Variants in PUM2 observed in about 807,000 individuals in gnomAD.
The protein encoded by PUM2 is pumilio homolog 2.
PUM2 carries 57 observed loss-of-function variants against 124.5 expected under a neutral mutation model. That is an observed-to-expected ratio of 0.46 (90% CI 0.37 to 0.57). The LOEUF (loss-of-function observed/expected upper bound fraction) is 0.57, where lower values mean the gene tolerates loss of function less well. Ranked by LOEUF, PUM2 falls within the 20% of genes least tolerant of loss-of-function variation. The pLI is 0.00. For missense variants in PUM2, 1,065 were observed against 1,290.6 expected (o/e 0.83, Z 2.68); for synonymous variants, 460 against 446.1 (o/e 1.03, Z -0.39).
intron 13 of PUM2, among the ~76,000 whole-genome samples, chr2:20,277,884 G>A (rs1483760041): frequency 6.6e-6 from 1 of 152,060 alleles, no homozygotes; most frequent in Non-Finnish European, 1.5e-5. Flanking sequence ...GATATCCAAA[G>A]CCCTTCAAAA....
chr2:20,288,041 A>G (rs995899220), intron 10 of PUM2, among the ~76,000 whole-genome samples: 1 of 152,254 alleles, frequency 6.6e-6, no homozygotes, highest in Non-Finnish European at 1.5e-5. Context: ...TGAAAGGATT[A>G]ATGCAAATAT....
chr2:20,348,531 T>C (rs1022246837), intron 1 of PUM2, among the ~76,000 whole-genome samples: 5 of 152,198 alleles, frequency 3.3e-5, no homozygotes, highest in African/African-American at 4.8e-5. Flanking sequence ...ACTGAGAAAA[T>C]TGGCTGTGGA....
intron 1 of PUM2, among the ~76,000 whole-genome samples, chr2:20,341,203 A>G (rs552040209): frequency 7.9e-5 from 12 of 152,162 alleles, no homozygotes; most frequent in South Asian, 2.1e-4. Context: ...AAAAAAGAAA[A>G]TATTTTGACC....
intron 1 of PUM2, among the ~76,000 whole-genome samples, chr2:20,337,811 T>A (rs187467955): frequency 8.1e-4 from 123 of 152,316 alleles, no homozygotes; most frequent in South Asian, 1.7e-3. Flanking sequence ...TTTTGGAGAC[T>A]AATTTTTAAT....
chr2:20,287,068 C>G lies in PUM2; in HGVS notation c.1292-3582G>C, dbSNP rs564068399. On this transcript the variant is annotated intron_variant, in intron 10 of 20. Coordinates refer to ENST00000361078, the MANE Select transcript of PUM2 (RefSeq NM_015317.5). Reference sequence around the variant, plus strand: ...AACAAAAACAAAAAAACATGGTCCTCGTACTCAAGAATTATGCAATCTAGC... The same window carrying G: ...AACAAAAACAAAAAAACATGGTCCTGGTACTCAAGAATTATGCAATCTAGC... Among the ~76,000 whole-genome samples the G allele has an allele frequency of 2.0e-5, 3 of 152,104 alleles. No individual in the cohort carries two copies. In the East Asian group the frequency reaches 5.8e-4, roughly 29 times the overall value.
At chr2:20,274,914 T>C (rs1669839831) in intron 13 of PUM2, among the ~76,000 whole-genome samples, 1 of 112,938 alleles carries the variant, frequency 8.9e-6, no homozygotes, top group African/African-American at 3.3e-5. Context: ...AATAAGGCAA[T>C]ACTAGAAATA....
At chr2:20,326,304 C>G (rs1312770284) in intron 2 of PUM2, 1 of 1,303,926 alleles carries the variant, frequency 7.7e-7, no homozygotes, top group Non-Finnish European at 1.0e-6. Flanking sequence ...TTGGAAAACG[C>G]TGTTCTGAAG....
intron 1 of PUM2, among the ~76,000 whole-genome samples, chr2:20,341,866 A>G (rs1337261985): frequency 6.6e-6 from 1 of 152,194 alleles, no homozygotes; most frequent in Non-Finnish European, 1.5e-5. Flanking sequence ...ATGGTTGCTC[A>G]CGCCTGTAAT....
chr2:20,330,266 T>C (rs557080577), intron 1 of PUM2, among the ~76,000 whole-genome samples: 297 of 152,304 alleles, frequency 2.0e-3, no homozygotes, highest in Non-Finnish European at 3.5e-3. Flanking sequence ...TGTAATACTG[T>C]AAAACGTATT....
In PUM2 at chr2:20,256,029, A is replaced by C. The variant is rs1664684143; in HGVS notation, c.2622+4T>G. 6.5e-7 allele frequency: 1 copy of C among 1,528,040 alleles called. No homozygotes were observed. The highest frequency in any genetic ancestry group is 2.4e-5 in the Admixed American group (1 of 41,304). The allele number at this position is 1,528,040 out of a possible 1,614,324, so 94.7% of individuals were successfully genotyped here. Reference sequence around the variant, plus strand: ...ACAAATTATAAGCCAAAACTCAAACATACTTGTCCCTTGAAAGCATCAATG... The same window carrying C: ...ACAAATTATAAGCCAAAACTCAAACCTACTTGTCCCTTGAAAGCATCAATG... On this transcript the variant is annotated splice_donor_region_variant and intron_variant, in intron 17 of 20. Coordinates refer to ENST00000361078, the MANE Select transcript of PUM2 (RefSeq NM_015317.5).
intron 9 of PUM2, among the ~76,000 whole-genome samples, chr2:20,292,578 T>A (rs1452450902): frequency 6.6e-6 from 1 of 151,820 alleles, no homozygotes; most frequent in East Asian, 2.0e-4. Context: ...GCCAGGCTGG[T>A]CTCTAACTCC....
chr2:20,291,948 T>A (rs1371417094), intron 9 of PUM2, among the ~76,000 whole-genome samples: 2 of 151,836 alleles, frequency 1.3e-5, no homozygotes, highest in African/African-American at 4.8e-5. Context: ...GAAAAGTAAG[T>A]GCTTAACTTT....
At chr2:20,287,335 A>T (rs1056556154) in intron 10 of PUM2, among the ~76,000 whole-genome samples, 1 of 152,258 alleles carries the variant, frequency 6.6e-6, no homozygotes, top group African/African-American at 2.4e-5. Context: ...ACAAGGGAGT[A>T]ATTATCAATG....
chr2:20,345,002 A>AAAT, intron 1 of PUM2, among the ~76,000 whole-genome samples: 1 of 149,620 alleles, frequency 6.7e-6, no homozygotes, highest in African/African-American at 2.5e-5. Context: ...AAAAAAAAAA[A>AAAT]AAGAAAAGAA....
At chr2:20,303,338 G>A (rs767473117) in intron 7 of PUM2, among the ~76,000 whole-genome samples, 2 of 151,912 alleles carry the variant, frequency 1.3e-5, no homozygotes, top group South Asian at 2.1e-4. Flanking sequence ...CTGGGAGGTC[G>A]AGGCTGCAAT....
intron 1 of PUM2, chr2:20,332,957 G>A (rs563864622): frequency 1.3e-5 from 2 of 152,180 alleles, no homozygotes; most frequent in South Asian, 4.2e-4. Flanking sequence ...AATAAATAAT[G>A]AGAACTTACC....
chr2:20,255,410 G>T, intron 17 of PUM2, 69 bp from the exon 18 acceptor site: 2 of 1,433,500 alleles, frequency 1.4e-6, no homozygotes, highest in East Asian at 2.4e-5. Flanking sequence ...GAAGCAGACT[G>T]GTTTGTTTTT....
intron 13 of PUM2, among the ~76,000 whole-genome samples, chr2:20,269,542 A>G (rs533347781): frequency 6.6e-6 from 1 of 152,194 alleles, no homozygotes; most frequent in Non-Finnish European, 1.5e-5. Context: ...TTATTGGAGG[A>G]AAGACTAAGA....
intron 10 of PUM2, among the ~76,000 whole-genome samples, chr2:20,288,515 G>T (rs1673242305): frequency 6.6e-6 from 1 of 152,150 alleles, no homozygotes; most frequent in Non-Finnish European, 1.5e-5. Flanking sequence ...AAGCTTTTTA[G>T]GATGAACAGG....
Sources: allele counts gnomAD v4.1 joint callset (sites outside exome capture counted in the v4.1 genomes callset), GRCh38; gene constraint gnomAD v4.1.1; transcripts MANE v1.5; gene names NCBI Gene and HGNC (gene_info 2026-07-23, HGNC 2026-07-21).